Variants in USP24 observed in about 807,000 individuals in gnomAD.
USP24 encodes ubiquitin specific peptidase 24.
USP24 carries 97 observed loss-of-function variants against 361.6 expected under a neutral mutation model. The observed-to-expected ratio is 0.27, with a 90% CI of 0.23 to 0.32. The LOEUF is 0.32. Among genes scored for constraint, USP24 ranks in the 10% least tolerant of loss-of-function variants. USP24 has a pLI of 1.00. For missense variants in USP24, 2,353 were observed against 3,165.6 expected, an observed-to-expected ratio of 0.74 and a Z score of 6.16; for synonymous variants, 1,098 against 1,124.6, an observed-to-expected ratio of 0.98 and a Z score of 0.47.
intron 21 of USP24, among the ~76,000 whole-genome samples, chr1:55,143,826 C>T (rs1276823167): frequency 6.6e-6 from 1 of 151,976 alleles, no homozygotes; most frequent in Non-Finnish European, 1.5e-5. Context: ...GTGAACTATC[C>T]CTGCTCTGCA....
At chr1:55,099,953 A>G (rs1380638085) in intron 44 of USP24, 84 bp from the exon 45 acceptor site, 2 of 977,284 alleles carry the variant, frequency 2.0e-6, no homozygotes, top group Non-Finnish European at 3.0e-6. Context: ...GAGCACTTAA[A>G]TGCTTATAAA....
chr1:55,114,293 A>G (rs1030878843), intron 38 of USP24, among the ~76,000 whole-genome samples: 1 of 152,232 alleles, frequency 6.6e-6, no homozygotes, highest in Non-Finnish European at 1.5e-5. Flanking sequence ...GGAAGAATCA[A>G]TGTTGTGAAA....
At chr1:55,089,955 T>G (rs1194815315) in intron 54 of USP24, among the ~76,000 whole-genome samples, 2 of 152,182 alleles carry the variant, frequency 1.3e-5, no homozygotes, top group African/African-American at 4.8e-5. Context: ...CTTGGCTCCT[T>G]GTGGTGTGGC....
chr1:55,076,779 C>T (rs917365658), intron 62 of USP24, among the ~76,000 whole-genome samples: 2 of 152,162 alleles, frequency 1.3e-5, no homozygotes, highest in African/African-American at 4.8e-5. Flanking sequence ...CAATTGATTA[C>T]ATTTCAGTTT....
At chr1:55,163,709 C>G (rs1366062633) in intron 7 of USP24, among the ~76,000 whole-genome samples, 1 of 152,040 alleles carries the variant, frequency 6.6e-6, no homozygotes, top group Non-Finnish European at 1.5e-5. Flanking sequence ...AACAAATATA[C>G]AGTTGACCCT....
At chr1:55,140,708 C>T (rs1316166287) in intron 24 of USP24, among the ~76,000 whole-genome samples, 1 of 152,136 alleles carries the variant, frequency 6.6e-6, no homozygotes, top group Non-Finnish European at 1.5e-5. Context: ...TCTATGAGTA[C>T]CCATCACTAG....
chr1:55,156,177 T>C (rs1647638539), intron 12 of USP24, among the ~76,000 whole-genome samples: 1 of 152,068 alleles, frequency 6.6e-6, no homozygotes, highest in African/African-American at 2.4e-5. Flanking sequence ...CATGTTTGGA[T>C]ATAATGAATT....
At chr1:55,195,983 C>A (rs1016859948) in intron 1 of USP24, among the ~76,000 whole-genome samples, 2 of 152,076 alleles carry the variant, frequency 1.3e-5, no homozygotes, top group East Asian at 3.9e-4. Flanking sequence ...GGGGACCCAG[C>A]CTCATCATAG....
chr1:55,124,389 ACT>A (rs1275831437), intron 35 of USP24, 78 bp downstream of exon 35: 1 of 1,489,186 alleles, frequency 6.7e-7, no homozygotes, highest in Non-Finnish European at 9.0e-7. Context: ...CATTTTTGTG[ACT>A]CTGGCAAACC....
chr1:55,146,311 C>A (rs1303896855), intron 19 of USP24, among the ~76,000 whole-genome samples: 1 of 152,182 alleles, frequency 6.6e-6, no homozygotes, highest in Non-Finnish European at 1.5e-5. Flanking sequence ...AAAATATCTA[C>A]TCATACTTTT....
intron 38 of USP24, among the ~76,000 whole-genome samples, chr1:55,114,195 G>A (rs1348937788): frequency 6.6e-6 from 1 of 152,120 alleles, no homozygotes; most frequent in Non-Finnish European, 1.5e-5. Flanking sequence ...GGCATGTGGA[G>A]GACTTCTTCA....
intron 55 of USP24, among the ~76,000 whole-genome samples, chr1:55,089,169 G>A (rs927236039): frequency 2.8e-4 from 42 of 152,158 alleles, no homozygotes; most frequent in Non-Finnish European, 5.6e-4. Flanking sequence ...GCCTCCCAAA[G>A]TGCAGGGATT....
chr1:55,134,295 T>C, intron 29 of USP24, 33 bp downstream of exon 29: 1 of 1,597,764 alleles, frequency 6.3e-7, no homozygotes, highest in Non-Finnish European at 8.6e-7. Context: ...AGTAACTTTC[T>C]CTCTGCCAAG....
At chr1:55,120,881 G>T (rs1314943917) in intron 37 of USP24, 125 bp from the exon 38 acceptor site, 2 of 1,219,064 alleles carry the variant, frequency 1.6e-6, no homozygotes, top group Non-Finnish European at 2.2e-6. Flanking sequence ...TACTAGAAAG[G>T]TATGAGTGTT....
intron 50 of USP24, among the ~76,000 whole-genome samples, chr1:55,095,695 A>C (rs1645482215): frequency 6.6e-6 from 1 of 152,176 alleles, no homozygotes; most frequent in Non-Finnish European, 1.5e-5. Context: ...GGGAGGTCTA[A>C]ATGTAAGCAA....
chr1:55,164,512 G>C (rs1162362214), intron 7 of USP24, among the ~76,000 whole-genome samples: 7 of 151,954 alleles, frequency 4.6e-5, no homozygotes, highest in Non-Finnish European at 8.8e-5. Flanking sequence ...CAGAAATTCA[G>C]CACGTGTGAA....
chr1:55,079,846 C>G (rs1197969755), intron 59 of USP24, among the ~76,000 whole-genome samples, 187 bp from the exon 60 acceptor site: 1 of 143,672 alleles, frequency 7.0e-6, no homozygotes, highest in Non-Finnish European at 1.6e-5. Flanking sequence ...AGTACTCACA[C>G]ACAGAGTACT....
At chr1:55,181,027 T>C (rs866247553) in intron 1 of USP24, among the ~76,000 whole-genome samples, 1 of 151,846 alleles carries the variant, frequency 6.6e-6, no homozygotes, top group Non-Finnish European at 1.5e-5. Flanking sequence ...GACCCCAAAT[T>C]GCCTAATACG....
chr1:55,072,131 T>C (rs1330451797), intron 66 of USP24, among the ~76,000 whole-genome samples, 186 bp downstream of exon 66: 1 of 152,094 alleles, frequency 6.6e-6, no homozygotes, highest in East Asian at 1.9e-4. Context: ...TCTAGACAAA[T>C]AATCTGCACA....
Sources: gnomAD v4.1 joint callset for allele counts (sites outside exome capture counted in the v4.1 genomes callset) on GRCh38, gnomAD v4.1.1 for gene constraint, MANE v1.5 for transcripts, NCBI Gene and HGNC (gene_info 2026-07-23, HGNC 2026-07-21) for gene names.